Variants in FAM135A observed in about 807,000 individuals in gnomAD.
The protein encoded by FAM135A is protein FAM135A.
Under a neutral mutation model 146.8 loss-of-function variants are expected in FAM135A, and 79 were observed. The ratio of observed to expected loss-of-function variants is 0.54; its 90% CI spans 0.45 to 0.65. The LOEUF (loss-of-function observed/expected upper bound fraction) is 0.65. FAM135A is among the 30% of genes least tolerant of loss of function. The pLI is 0.00. For synonymous variants in FAM135A, 562 were observed against 603.6 expected (o/e 0.93, Z 1.01); for missense variants, 1,623 against 1,758.2 (o/e 0.92, Z 1.38).
intron 21 of FAM135A, among the ~76,000 whole-genome samples, chr6:70,559,307 G>A (rs1469201154): frequency 6.6e-6 from 1 of 152,016 alleles, no homozygotes; most frequent in Non-Finnish European, 1.5e-5. Context: ...TGGGTGTGGT[G>A]GTGCATGCCT....
Position 70,525,096 on chromosome 6 carries a change from A to C in FAM135A, c.2012A>C (p.Asn671Thr). ...PSNKDPFSGENITVKLGPWTE... is the reference protein window; with the variant it reads ...PSNKDPFSGETITVKLGPWTE... ...AATAAAGATCCTTTCAGTGGAGAGA[A>C]TATAACTGTCAAACTAGGACCTTGG... is the stretch of plus-strand genomic sequence containing the variant. The change falls in exon 15 of 22, where the codon AAT becomes ACT. Residue 671 changes from asparagine to threonine, a missense_variant. Physicochemically the swap from Asn to Thr is moderately conservative, Grantham distance 65 (BLOSUM62 0). Around this residue, in one of 7 missense-constraint regions of FAM135A, gnomAD observed 1,061 missense variants for 1,113.8 expected, o/e 0.95. Transcript: ENST00000418814. The C allele has an allele frequency of 3.8e-6, 6 of 1,568,454 alleles. No homozygotes were observed. The highest frequency in any genetic ancestry group is 4.3e-6 in the Non-Finnish European group (5 of 1,163,444).
chr6:70,515,147 C>T (rs2128308194), intron 12 of FAM135A, among the ~76,000 whole-genome samples: 1 of 152,282 alleles, frequency 6.6e-6, no homozygotes, highest in Non-Finnish European at 1.5e-5. Flanking sequence ...AACAGGAATT[C>T]CCATTCATTC....
chr6:70,487,700 A>G (rs1784957359), intron 10 of FAM135A, among the ~76,000 whole-genome samples: 1 of 152,192 alleles, frequency 6.6e-6, no homozygotes, highest in Admixed American at 6.5e-5. Context: ...TAAAGAATTC[A>G]TAGTATGAAA....
rs1039747080 is a variant in FAM135A at position 70,517,814 on chromosome 6, T to C, written c.1030-4699T>C. Reference sequence around the variant, plus strand: ...GAATTGTTTTGAAGCACCACAGTTGTGCCCATATATGACAGTGAACTTAAT... The same window carrying C: ...GAATTGTTTTGAAGCACCACAGTTGCGCCCATATATGACAGTGAACTTAAT... On this transcript the variant is annotated intron_variant, in intron 12 of 21. Transcript: ENST00000418814. Among the ~76,000 whole-genome samples, 37 of 152,204 alleles carry C rather than the reference T, an allele frequency of 2.4e-4. 1 individual carries two copies. The highest frequency in any genetic ancestry group is 2.1e-3 in the Admixed American group (32 of 15,278).
At chr6:70,532,048 A>C (rs1333201744) in intron 16 of FAM135A, among the ~76,000 whole-genome samples, 1 of 151,358 alleles carries the variant, frequency 6.6e-6, no homozygotes, top group African/African-American at 2.4e-5. Flanking sequence ...ACACACGGCT[A>C]ATTTTTTGTA....
intron 4 of FAM135A, among the ~76,000 whole-genome samples, chr6:70,442,476 C>T (rs919582056): frequency 3.3e-5 from 5 of 152,032 alleles, no homozygotes. Flanking sequence ...TGAGATAGAT[C>T]TTGTTTTGAT....
intron 12 of FAM135A, among the ~76,000 whole-genome samples, chr6:70,505,291 T>C (rs1789506841): frequency 6.6e-6 from 1 of 152,158 alleles, no homozygotes; most frequent in East Asian, 1.9e-4. Flanking sequence ...CATATTTAAG[T>C]TTTGCCAATC....
chr6:70,444,703 A>G (rs189408094), intron 4 of FAM135A, among the ~76,000 whole-genome samples: 1 of 152,248 alleles, frequency 6.6e-6, no homozygotes, highest in Non-Finnish European at 1.5e-5. Flanking sequence ...ATTTAAAATA[A>G]TGTGTATATT....
At chr6:70,416,959 A>G (rs1030965667) in intron 2 of FAM135A, among the ~76,000 whole-genome samples, 2 of 152,326 alleles carry the variant, frequency 1.3e-5, no homozygotes, top group East Asian at 1.9e-4. Flanking sequence ...TAACAGGTAC[A>G]TACTTGGTTA....
At chr6:70,487,232 T>C (rs1292541367) in intron 10 of FAM135A, among the ~76,000 whole-genome samples, 1 of 151,722 alleles carries the variant, frequency 6.6e-6, no homozygotes, top group Non-Finnish European at 1.5e-5. Flanking sequence ...AAAAGCAAAA[T>C]AACATCAAAT....
At chr6:70,558,471 T>C (rs1302593338) in intron 21 of FAM135A, among the ~76,000 whole-genome samples, 1 of 152,212 alleles carries the variant, frequency 6.6e-6, no homozygotes, top group Non-Finnish European at 1.5e-5. Context: ...CTAATCGTTA[T>C]CTTTTATGTG....
At chr6:70,481,851 A>G in intron 9 of FAM135A, 150 bp from the exon 10 acceptor site, 1 of 734,616 alleles carries the variant, frequency 1.4e-6, no homozygotes, top group East Asian at 3.0e-5. Context: ...TTATTGTATA[A>G]ACAACTCTCA....
chr6:70,442,867 A>G (rs965463861), intron 4 of FAM135A, among the ~76,000 whole-genome samples: 8 of 152,226 alleles, frequency 5.3e-5, no homozygotes, highest in African/African-American at 1.9e-4. Context: ...TCCCTGTTAC[A>G]ACTGCATTTT....
chr6:70,414,522 C>T (rs548399069), intron 1 of FAM135A, among the ~76,000 whole-genome samples: 3 of 151,832 alleles, frequency 2.0e-5, no homozygotes, highest in African/African-American at 7.3e-5. Flanking sequence ...CCCTCCCCCC[C>T]CCATTTGTAT....
At chr6:70,536,035 G>T in intron 18 of FAM135A, 1 of 384,246 alleles carries the variant, frequency 2.6e-6, no homozygotes, top group East Asian at 4.5e-5. Flanking sequence ...AGATTAATAT[G>T]TTGTTTCTAT....
intron 4 of FAM135A, among the ~76,000 whole-genome samples, chr6:70,450,046 C>T (rs868783034): frequency 2.6e-5 from 4 of 152,178 alleles, no homozygotes; most frequent in South Asian, 2.1e-4. Flanking sequence ...GTTAGCCATT[C>T]GTATGTCTTC....
At chr6:70,532,715 A>C (rs534462360) in intron 16 of FAM135A, among the ~76,000 whole-genome samples, 3 of 152,256 alleles carry the variant, frequency 2.0e-5, no homozygotes, top group Non-Finnish European at 4.4e-5. Context: ...AGCGGATCAC[A>C]AGGTCAGGAG....
At chr6:70,544,476 C>T (rs888296610) in intron 20 of FAM135A, among the ~76,000 whole-genome samples, 8 of 151,928 alleles carry the variant, frequency 5.3e-5, no homozygotes, top group African/African-American at 1.7e-4. Flanking sequence ...TGCAGTGAAC[C>T]GAGATCTCGC....
chr6:70,481,648 TA>T (rs10718433), intron 9 of FAM135A, among the ~76,000 whole-genome samples: 7,814 of 131,346 alleles, frequency 0.059, 438 homozygotes, highest in African/African-American at 0.15. Context: ...AAAAGAAAAT[TA>T]AAAAAAAAAA....
Sources: allele counts gnomAD v4.1 joint callset (sites outside exome capture counted in the v4.1 genomes callset), GRCh38; gene constraint gnomAD v4.1.1; regional missense constraint gnomAD v4.1.1; transcripts MANE v1.5; gene names NCBI Gene and HGNC (gene_info 2026-07-23, HGNC 2026-07-21).